GPC5: variants seen among roughly 807,000 people sequenced by gnomAD.
The protein encoded by GPC5 is glypican-5.
In GPC5, 47 loss-of-function variants were observed where a neutral mutation model predicts 53.9. That is an observed-to-expected ratio of 0.87 (90% CI 0.69 to 1.11). GPC5 has a LOEUF of 1.11. GPC5 is among the 50% of genes most tolerant of loss of function. The probability of loss-of-function intolerance (pLI) is 0.00; values close to 1 mark genes in which losing one functional copy is unlikely to be tolerated. For missense variants in GPC5, 748 were observed against 713.1 expected (o/e 1.05, Z -0.56); for synonymous variants, 286 against 263.3 (o/e 1.09, Z -0.84).
intron 2 of GPC5, among the ~76,000 whole-genome samples, chr13:91,572,094 T>TGTATATACACACATATATAC (rs2031906118): frequency 5.5e-5 from 7 of 126,144 alleles, no homozygotes; most frequent in African/African-American, 3.1e-4. Context: ...TATGTACATG[T>TGTATATACACACATATATAC]GTGTGTATAT....
At chr13:91,723,626 C>A (rs1055864702) in intron 3 of GPC5, among the ~76,000 whole-genome samples, 1 of 151,962 alleles carries the variant, frequency 6.6e-6, no homozygotes, top group Non-Finnish European at 1.5e-5. Context: ...AGGGAGTCAA[C>A]CCCTAGTCAA....
At chr13:92,171,687 C>T (rs1456049338) in intron 7 of GPC5, among the ~76,000 whole-genome samples, 1 of 152,098 alleles carries the variant, frequency 6.6e-6, no homozygotes, top group African/African-American at 2.4e-5. Flanking sequence ...ATTGGGAATC[C>T]TATTAGGTCC....
chr13:91,852,049 A>G (rs932093743), intron 5 of GPC5, among the ~76,000 whole-genome samples: 4 of 151,676 alleles, frequency 2.6e-5, no homozygotes, highest in African/African-American at 9.7e-5. Context: ...TGGTATTTCC[A>G]GTTCTAGATC....
chr13:91,496,395 C>G (rs950195786), intron 2 of GPC5, among the ~76,000 whole-genome samples: 1 of 151,904 alleles, frequency 6.6e-6, no homozygotes, highest in Non-Finnish European at 1.5e-5. Flanking sequence ...TATCAACAGA[C>G]GAATGGATAA....
At chr13:92,129,895 A>C (rs2041729406) in intron 6 of GPC5, among the ~76,000 whole-genome samples, 2 of 152,148 alleles carry the variant, frequency 1.3e-5, no homozygotes, top group African/African-American at 4.8e-5. Context: ...GAGAATAGAG[A>C]ATAAGCAATA....
intron 2 of GPC5, among the ~76,000 whole-genome samples, chr13:91,481,521 G>A (rs546781692): frequency 1.3e-5 from 2 of 152,310 alleles, no homozygotes; most frequent in African/African-American, 4.8e-5. Flanking sequence ...TACATTAGGG[G>A]ACTTTGCTAC....
At chr13:92,649,435 T>G (rs1885884458) in intron 7 of GPC5, among the ~76,000 whole-genome samples, 1 of 152,150 alleles carries the variant, frequency 6.6e-6, no homozygotes. Context: ...CCTTGGTAAT[T>G]TTTGATTGTC....
intron 7 of GPC5, among the ~76,000 whole-genome samples, chr13:92,710,624 G>GAAGC (rs1888102078): frequency 6.6e-6 from 1 of 152,134 alleles, no homozygotes; most frequent in South Asian, 2.1e-4. Context: ...AGCATGCATG[G>GAAGC]AAGCCACTTG....
chr13:91,635,036 T>G (rs2034252129), intron 2 of GPC5, among the ~76,000 whole-genome samples: 1 of 152,066 alleles, frequency 6.6e-6, no homozygotes, highest in African/African-American at 2.4e-5. Context: ...AAGTCAGAAT[T>G]TTGCAGTAGA....
chr13:91,416,825 C>T (rs1343433153), intron 1 of GPC5, among the ~76,000 whole-genome samples: 1 of 152,134 alleles, frequency 6.6e-6, no homozygotes, highest in East Asian at 1.9e-4. Flanking sequence ...TGTATGTTTG[C>T]CACATTTTCT....
At chr13:92,577,563 A>G (rs906883120) in intron 7 of GPC5, among the ~76,000 whole-genome samples, 2 of 152,110 alleles carry the variant, frequency 1.3e-5, no homozygotes, top group African/African-American at 4.8e-5. Context: ...TCCAAAATCC[A>G]TGTGGTTTAC....
chr13:91,963,971 TC>T (rs767267154), intron 6 of GPC5, among the ~76,000 whole-genome samples: 3 of 152,180 alleles, frequency 2.0e-5, no homozygotes, highest in Non-Finnish European at 4.4e-5. Flanking sequence ...TCCTCAGGGA[TC>T]TAAAATTAGA....
intron 5 of GPC5, among the ~76,000 whole-genome samples, chr13:91,808,075 T>G (rs2038249849): frequency 6.6e-6 from 1 of 152,188 alleles, no homozygotes; most frequent in African/African-American, 2.4e-5. Flanking sequence ...ATCTATTACT[T>G]CTAGACTGTT....
intron 7 of GPC5, among the ~76,000 whole-genome samples, chr13:92,501,179 A>G (rs1009906470): frequency 6.6e-6 from 1 of 152,188 alleles, no homozygotes; most frequent in African/African-American, 2.4e-5. Context: ...GTAATTAGAC[A>G]AACAGTTTAA....
At chr13:92,415,749 TG>T (rs912738407) in intron 7 of GPC5, among the ~76,000 whole-genome samples, 5 of 151,906 alleles carry the variant, frequency 3.3e-5, no homozygotes, top group African/African-American at 9.7e-5. Context: ...CAGAACAGAC[TG>T]GATGAGGAGA....
intron 7 of GPC5, chr13:92,447,124 G>A (rs1877860802): frequency 6.6e-6 from 1 of 152,050 alleles, no homozygotes; most frequent in Admixed American, 6.6e-5. Context: ...TTGTGCAGAA[G>A]CTTATTATGT....
At chr13:91,683,208 T>C (rs1262411205) in intron 2 of GPC5, among the ~76,000 whole-genome samples, 1 of 152,020 alleles carries the variant, frequency 6.6e-6, no homozygotes, top group Non-Finnish European at 1.5e-5. Context: ...TAGAGTGATG[T>C]GGATATAAGC....
At chr13:92,313,065 C>T (rs1182267848) in intron 7 of GPC5, among the ~76,000 whole-genome samples, 1 of 152,092 alleles carries the variant, frequency 6.6e-6, no homozygotes, top group Non-Finnish European at 1.5e-5. Context: ...GGACCACCTA[C>T]TTGTTCATAT....
chr13:91,446,026 T>G (rs1478208908), intron 1 of GPC5, among the ~76,000 whole-genome samples: 1 of 152,162 alleles, frequency 6.6e-6, no homozygotes, highest in Non-Finnish European at 1.5e-5. Flanking sequence ...GAAGATCTTG[T>G]GCCTATTCCT....
Sources: gnomAD v4.1 joint callset for allele counts (sites outside exome capture counted in the v4.1 genomes callset) on GRCh38, gnomAD v4.1.1 for gene constraint, MANE v1.5 for transcripts, NCBI Gene and HGNC (gene_info 2026-07-23, HGNC 2026-07-21) for gene names.